The following SGCG variants were observed in gnomAD, a reference collection of about 807,000 sequenced individuals.
SGCG encodes the protein sarcoglycan gamma.
In SGCG, 26 loss-of-function variants were observed where a neutral mutation model predicts 29.3. That is an observed-to-expected ratio of 0.89 (90% CI 0.65 to 1.23). SGCG has a LOEUF of 1.23. SGCG is among the 50% of genes most tolerant of loss of function. The pLI is 0.00. For missense variants in SGCG, 353 were observed against 356.0 expected (o/e 0.99, Z 0.07); for synonymous variants, 145 against 129.7 (o/e 1.12, Z -0.80).
the SGCG span, among the ~76,000 whole-genome samples, chr13:23,171,991 G>A: frequency 1.7e-3 from 266 of 152,240 alleles, 8 homozygotes; most frequent in East Asian, 0.041. Flanking sequence ...GACCCATACC[G>A]TATAATTGAA....
At chr13:23,275,848 TA>T (rs957141490) in intron 4 of SGCG, among the ~76,000 whole-genome samples, 1 of 152,238 alleles carries the variant, frequency 6.6e-6, no homozygotes, top group Non-Finnish European at 1.5e-5. Context: ...TTCCTTTTTT[TA>T]AAAGGACTTT....
chr13:23,248,857 G>A (rs1156940061), intron 3 of SGCG, among the ~76,000 whole-genome samples: 16 of 145,506 alleles, frequency 1.1e-4, no homozygotes, highest in African/African-American at 4.1e-4. Context: ...GGGGCGTGGT[G>A]GCGGGCACCT....
chr13:23,299,059 A>T (rs537544298), intron 6 of SGCG, among the ~76,000 whole-genome samples: 2 of 152,266 alleles, frequency 1.3e-5, no homozygotes, highest in Admixed American at 6.5e-5. Flanking sequence ...TCATTTAATT[A>T]TGAAGTGATT....
At chr13:23,211,453 G>A (rs1593175161) in intron 2 of SGCG, among the ~76,000 whole-genome samples, 1 of 152,070 alleles carries the variant, frequency 6.6e-6, no homozygotes, top group African/African-American at 2.4e-5. Flanking sequence ...CCGGGGAGAG[G>A]GGGTAGAAAA....
the SGCG span, among the ~76,000 whole-genome samples, chr13:23,172,100 T>C: frequency 6.6e-6 from 1 of 152,234 alleles, no homozygotes. Flanking sequence ...AACCTCTCCT[T>C]ACCCATACTT....
intron 2 of SGCG, among the ~76,000 whole-genome samples, chr13:23,230,798 C>T (rs913988934): frequency 6.6e-6 from 1 of 152,174 alleles, no homozygotes; most frequent in African/African-American, 2.4e-5. Flanking sequence ...CCTGATTGCT[C>T]TGACCAGGAC....
intron 1 of SGCG, among the ~76,000 whole-genome samples, chr13:23,194,092 A>C (rs1229310651): frequency 6.6e-6 from 1 of 152,208 alleles, no homozygotes; most frequent in Non-Finnish European, 1.5e-5. Context: ...TTGGATTTGG[A>C]AGCAAGGAGG....
intron 1 of SGCG, among the ~76,000 whole-genome samples, chr13:23,182,688 T>C (rs986283192): frequency 6.6e-6 from 1 of 152,196 alleles, no homozygotes; most frequent in East Asian, 1.9e-4. Context: ...AATTTGTGAA[T>C]GGTAAAGGTC....
At chr13:23,214,199 C>G (rs536358426) in intron 2 of SGCG, among the ~76,000 whole-genome samples, 5 of 152,256 alleles carry the variant, frequency 3.3e-5, no homozygotes, top group African/African-American at 1.2e-4. Context: ...GCTTCCTTGT[C>G]CCATCCTAGT....
chr13:23,285,188 GTCT>G (rs1881449356), intron 5 of SGCG, among the ~76,000 whole-genome samples: 4 of 152,216 alleles, frequency 2.6e-5, no homozygotes, highest in Non-Finnish European at 5.9e-5. Flanking sequence ...GAACATTTAA[GTCT>G]GCTGAAGCTG....
At chr13:23,258,359 G>A (rs1226197138) in intron 4 of SGCG, among the ~76,000 whole-genome samples, 1 of 152,018 alleles carries the variant, frequency 6.6e-6, no homozygotes, top group African/African-American at 2.4e-5. Context: ...GTGTGTTATT[G>A]GTGTATAGGG....
chr13:23,202,850 C>T (rs987583118), intron 1 of SGCG, among the ~76,000 whole-genome samples: 4 of 152,164 alleles, frequency 2.6e-5, no homozygotes, highest in Admixed American at 2.6e-4. Flanking sequence ...CATCTTTTTA[C>T]TACATTTACA....
chr13:23,324,122 A>T (rs1883143665), intron 7 of SGCG, among the ~76,000 whole-genome samples: 1 of 152,194 alleles, frequency 6.6e-6, no homozygotes, highest in Admixed American at 6.5e-5. Context: ...CTGCACTCAA[A>T]CAATGACAAA....
At chr13:23,197,923 A>T (rs1241548139) in intron 1 of SGCG, among the ~76,000 whole-genome samples, 1 of 152,228 alleles carries the variant, frequency 6.6e-6, no homozygotes, top group Non-Finnish European at 1.5e-5. Context: ...AAACACTAAA[A>T]GTAAAGAAAC....
At position 23,279,363 on chromosome 13, in the gene SGCG, C is replaced by T. The variant is rs1271131506; in HGVS notation, c.390C>T (p.Pro130=). Residue 130 remains proline, a synonymous_variant, in exon 5 of 8, where the codon CCC becomes CCT. Transcript: ENST00000218867. ...TAAACTGTTTTAATTCTTCAGGTCC[C>T]AAAATGGTAGAAGTCCAGAATCAAC... ...GEVTGRLKVG[P]KMVEVQNQQF... is the part of the protein sequence containing the mutation. 2 of 1,612,158 alleles carry T rather than the reference C, an allele frequency of 1.2e-6. No individual in the cohort carries two copies. The highest frequency in any genetic ancestry group is 1.1e-5 in the South Asian group (1 of 90,968).
At chr13:23,169,271 T>C in the SGCG span, among the ~76,000 whole-genome samples, 3 of 151,818 alleles carry the variant, frequency 2.0e-5, no homozygotes, top group Non-Finnish European at 4.4e-5. Flanking sequence ...CAGGGAGTCA[T>C]TCAAATTTGT....
intron 2 of SGCG, among the ~76,000 whole-genome samples, chr13:23,209,747 T>G (rs896708824): frequency 2.0e-5 from 3 of 152,334 alleles, no homozygotes; most frequent in Admixed American, 1.3e-4. Flanking sequence ...ATATTTAAGG[T>G]GGGCTAAACC....
At chr13:23,285,195 GAAGCT>G (rs1881449579) in intron 5 of SGCG, among the ~76,000 whole-genome samples, 4 of 152,216 alleles carry the variant, frequency 2.6e-5, no homozygotes, top group Non-Finnish European at 5.9e-5. Context: ...TAAGTCTGCT[GAAGCT>G]GCACCCACAG....
intron 2 of SGCG, among the ~76,000 whole-genome samples, chr13:23,230,263 G>A (rs1879059806): frequency 6.6e-6 from 1 of 152,028 alleles, no homozygotes; most frequent in Non-Finnish European, 1.5e-5. Context: ...TGGCTAATTC[G>A]GGCTCTTTTC....
Sources: allele counts gnomAD v4.1 joint callset (sites outside exome capture counted in the v4.1 genomes callset), GRCh38; gene constraint gnomAD v4.1.1; transcripts MANE v1.5; gene names NCBI Gene and HGNC (gene_info 2026-07-23, HGNC 2026-07-21).